CPED1: variants seen among roughly 807,000 people sequenced by gnomAD.
CPED1 encodes cadherin-like and PC-esterase domain-containing protein 1.
A neutral mutation model predicts 128.2 loss-of-function variants in CPED1; 114 were observed. The ratio of observed to expected loss-of-function variants is 0.89; its 90% CI spans 0.76 to 1.04. The LOEUF (loss-of-function observed/expected upper bound fraction) is 1.04. Ranked by LOEUF, CPED1 falls within the 50% of genes least tolerant of loss-of-function variation. The pLI is 0.00. For missense variants in CPED1, 1,211 were observed against 1,207.1 expected (o/e 1.00, Z -0.05); for synonymous variants, 462 against 426.7 (o/e 1.08, Z -1.02).
At chr7:121,283,196 A>G (rs994686500) in intron 22 of CPED1, among the ~76,000 whole-genome samples, 2 of 152,214 alleles carry the variant, frequency 1.3e-5, no homozygotes, top group African/African-American at 2.4e-5. Context: ...ATTTATGGTC[A>G]CTGGATTTAT....
intron 5 of CPED1, among the ~76,000 whole-genome samples, chr7:121,070,031 T>C (rs1793948643): frequency 6.6e-6 from 1 of 152,014 alleles, no homozygotes; most frequent in Non-Finnish European, 1.5e-5. Flanking sequence ...ATTTTAGGAT[T>C]TGTGTCCTCA....
At chr7:121,234,250 G>C (rs1798203571) in intron 16 of CPED1, among the ~76,000 whole-genome samples, 1 of 151,946 alleles carries the variant, frequency 6.6e-6, no homozygotes, top group African/African-American at 2.4e-5. Flanking sequence ...GCAATTCTTT[G>C]CCTTCTCCTC....
At chr7:121,120,734 C>T (rs896180830) in intron 7 of CPED1, among the ~76,000 whole-genome samples, 1 of 151,992 alleles carries the variant, frequency 6.6e-6, no homozygotes, top group East Asian at 1.9e-4. Flanking sequence ...GGTTTTATTA[C>T]AAGACACCAG....
intron 2 of CPED1, among the ~76,000 whole-genome samples, chr7:120,992,548 G>A (rs1314471509): frequency 6.6e-6 from 1 of 152,138 alleles, no homozygotes; most frequent in African/African-American, 2.4e-5. Context: ...ATGTTTACAT[G>A]TTAAACTAAC....
chr7:121,208,117 C>G (rs1797562057), intron 16 of CPED1, among the ~76,000 whole-genome samples: 1 of 151,866 alleles, frequency 6.6e-6, no homozygotes, highest in South Asian at 2.1e-4. Context: ...CACCCCACCC[C>G]CATCATCATT....
At chr7:120,994,051 C>T (rs190287585) in intron 2 of CPED1, 6 of 178,808 alleles carry the variant, frequency 3.4e-5, no homozygotes, top group Admixed American at 2.5e-4. Flanking sequence ...ACAGTGAAAA[C>T]GCTGTCCTTA....
chr7:121,111,031 G>A (rs939210415), intron 7 of CPED1, among the ~76,000 whole-genome samples: 2 of 152,166 alleles, frequency 1.3e-5, no homozygotes, highest in Non-Finnish European at 2.9e-5. Context: ...GAATGGTGGT[G>A]CCATTGACTG....
At chr7:121,125,135 A>G (rs1325069213) in intron 8 of CPED1, among the ~76,000 whole-genome samples, 1 of 152,082 alleles carries the variant, frequency 6.6e-6, no homozygotes, top group African/African-American at 2.4e-5. Flanking sequence ...TTTATTTTCT[A>G]TAAGAAATAA....
intron 16 of CPED1, among the ~76,000 whole-genome samples, chr7:121,221,073 C>T (rs926712476): frequency 2.0e-5 from 3 of 152,054 alleles, no homozygotes; most frequent in African/African-American, 7.2e-5. Context: ...CCCATCAACT[C>T]GTCATTTACA....
At chr7:121,094,264 T>A (rs1646618552) in intron 5 of CPED1, among the ~76,000 whole-genome samples, 1 of 152,200 alleles carries the variant, frequency 6.6e-6, no homozygotes, top group South Asian at 2.1e-4. Flanking sequence ...AAGACAATAT[T>A]CAAACATCTG....
intron 16 of CPED1, among the ~76,000 whole-genome samples, chr7:121,154,681 G>T (rs1796243144): frequency 6.6e-6 from 1 of 152,002 alleles, no homozygotes; most frequent in Admixed American, 6.6e-5. Context: ...GAGTAGCTGG[G>T]ATTATAGGCA....
At chr7:121,106,102 T>G (rs1431718203) in intron 7 of CPED1, among the ~76,000 whole-genome samples, 1 of 152,104 alleles carries the variant, frequency 6.6e-6, no homozygotes, top group Non-Finnish European at 1.5e-5. Flanking sequence ...ATCCTTATTT[T>G]AATTAAAGGT....
At chr7:121,245,320 C>G (rs1338204950) in intron 18 of CPED1, among the ~76,000 whole-genome samples, 1 of 151,806 alleles carries the variant, frequency 6.6e-6, no homozygotes, top group Non-Finnish European at 1.5e-5. Context: ...GTGTTAGTTC[C>G]TTTTTTTAAA....
chr7:121,296,937 A>AAAAC lies in CPED1; in HGVS notation c.*1287_*1290dup, dbSNP rs1444246661. 6.6e-6 allele frequency: 1 copy of AAAAC among 152,362 alleles called. No individual in the cohort carries two copies. Among genetic ancestry groups the AAAAC allele is most frequent in the Non-Finnish European group, 1.5e-5 (1 of 67,948 alleles). 9.4% of individuals were successfully genotyped at this position (152,362 alleles called of 1,614,324 possible). On this transcript the variant is annotated 3_prime_UTR_variant, in exon 23 of 23. Coordinates refer to ENST00000310396, the MANE Select transcript of CPED1 (RefSeq NM_024913.5). ...CTCATTTTCACTACCATACAAGAAA[A>AAAAC]AAACACCTATTTTGATTGATCAGTT...
intron 13 of CPED1, among the ~76,000 whole-genome samples, chr7:121,134,467 G>C (rs1795742662): frequency 6.6e-6 from 1 of 151,984 alleles, no homozygotes; most frequent in Non-Finnish European, 1.5e-5. Context: ...GGTAGGAAGG[G>C]AAGGAGGTGG....
At chr7:120,998,291 G>T (rs993735921) in intron 2 of CPED1, among the ~76,000 whole-genome samples, 6 of 152,172 alleles carry the variant, frequency 3.9e-5, no homozygotes, top group African/African-American at 1.4e-4. Flanking sequence ...TGGGAAGGCA[G>T]AATAGTTAAG....
intron 8 of CPED1, among the ~76,000 whole-genome samples, chr7:121,124,945 G>A (rs1329699496): frequency 6.6e-6 from 1 of 152,066 alleles, no homozygotes; most frequent in Non-Finnish European, 1.5e-5. Context: ...TTGTTCTAAG[G>A]AAATGTTAAA....
chr7:121,091,891 T>A (rs1794579687), intron 5 of CPED1, among the ~76,000 whole-genome samples: 1 of 152,224 alleles, frequency 6.6e-6, no homozygotes, highest in Non-Finnish European at 1.5e-5. Flanking sequence ...CTATCTATAA[T>A]GTGCTGGACA....
chr7:121,134,298 T>C (rs1369802989), intron 13 of CPED1, among the ~76,000 whole-genome samples: 1 of 152,026 alleles, frequency 6.6e-6, no homozygotes, highest in Non-Finnish European at 1.5e-5. Context: ...TAGATAGTCC[T>C]GGAGAATGTT....
Sources: allele counts gnomAD v4.1 joint callset (sites outside exome capture counted in the v4.1 genomes callset), GRCh38; gene constraint gnomAD v4.1.1; transcripts MANE v1.5; gene names NCBI Gene and HGNC (gene_info 2026-07-23, HGNC 2026-07-21).